GABRG2: variants seen among roughly 807,000 people sequenced by gnomAD.
The protein encoded by GABRG2 is gamma-aminobutyric acid type A receptor subunit gamma2.
A neutral mutation model predicts 56.4 loss-of-function variants in GABRG2; 16 were observed. That is an observed-to-expected ratio of 0.28 (90% CI 0.19 to 0.43). The LOEUF (loss-of-function observed/expected upper bound fraction) is 0.43, where lower values mean the gene tolerates loss of function less well. Ranked by LOEUF, GABRG2 falls within the 20% of genes least tolerant of loss-of-function variation. GABRG2 has a pLI of 1.00. For synonymous variants in GABRG2, 208 were observed against 205.5 expected (o/e 1.01, Z -0.10); for missense variants, 327 against 582.7 (o/e 0.56, Z 4.52).
At chr5:162,100,693 T>C (rs536306300) in intron 4 of GABRG2, among the ~76,000 whole-genome samples, 13 of 152,330 alleles carry the variant, frequency 8.5e-5, no homozygotes, top group Middle Eastern at 3.4e-3. Flanking sequence ...TGACATCTTC[T>C]GGAAGATCCT....
chr5:162,147,659 T>C (rs752426607), intron 7 of GABRG2, among the ~76,000 whole-genome samples: 3 of 152,158 alleles, frequency 2.0e-5, no homozygotes, highest in Non-Finnish European at 2.9e-5. Context: ...CCACCATGCC[T>C]GGCCCGACCT....
chr5:162,142,691 T>A (rs1421478248), intron 7 of GABRG2: 2 of 340,052 alleles, frequency 5.9e-6, no homozygotes, highest in African/African-American at 4.3e-5. Context: ...TAGGTGGGAA[T>A]TGAACAATGA....
intron 6 of GABRG2, among the ~76,000 whole-genome samples, chr5:162,124,532 C>T (rs892973866): frequency 5.9e-5 from 9 of 151,588 alleles, no homozygotes; most frequent in African/African-American, 2.2e-4. Flanking sequence ...AATGCACATT[C>T]AGTTTTGTTT....
At chr5:162,133,005 T>C (rs901003483) in intron 6 of GABRG2, among the ~76,000 whole-genome samples, 3 of 152,048 alleles carry the variant, frequency 2.0e-5, no homozygotes, top group Non-Finnish European at 2.9e-5. Context: ...ATGTGAGCTC[T>C]AATAATGTAT....
intron 6 of GABRG2, among the ~76,000 whole-genome samples, chr5:162,134,081 C>T (rs992403860): frequency 6.6e-6 from 1 of 152,124 alleles, no homozygotes; most frequent in Non-Finnish European, 1.5e-5. Flanking sequence ...AGTCAGCTTT[C>T]CACATTGTTT....
intron 6 of GABRG2, among the ~76,000 whole-genome samples, chr5:162,105,332 C>T (rs539404880): frequency 6.6e-6 from 1 of 151,440 alleles, no homozygotes; most frequent in African/African-American, 2.4e-5. Context: ...AAAAAAGAAT[C>T]TGAAAGAAGG....
At chr5:162,079,080 A>T (rs903703526) in intron 1 of GABRG2, among the ~76,000 whole-genome samples, 5 of 151,928 alleles carry the variant, frequency 3.3e-5, no homozygotes, top group African/African-American at 1.2e-4. Context: ...AAAATATGTG[A>T]GTACTCACAT....
intron 6 of GABRG2, among the ~76,000 whole-genome samples, chr5:162,139,772 T>C (rs1447500636): frequency 6.6e-6 from 1 of 152,208 alleles, no homozygotes; most frequent in Admixed American, 6.5e-5. Flanking sequence ...AATTTTTTAT[T>C]TAAACACATT....
At chr5:162,111,880 G>A (rs1295959769) in intron 6 of GABRG2, among the ~76,000 whole-genome samples, 1 of 152,044 alleles carries the variant, frequency 6.6e-6, no homozygotes, top group Non-Finnish European at 1.5e-5. Flanking sequence ...TAATATGGTA[G>A]CCATATATAT....
At chr5:162,149,739 G>C in intron 8 of GABRG2, 1 of 452,072 alleles carries the variant, frequency 2.2e-6, no homozygotes, top group Non-Finnish European at 4.4e-6. Context: ...TCAGCCCCCT[G>C]AGTAGCTGGG....
In GABRG2 at chr5:162,089,267, G is replaced by A. The variant is rs76014074; in HGVS notation, c.108-4561G>A. Among the ~76,000 whole-genome samples, 703 of 152,204 alleles carry A rather than the reference G, an allele frequency of 4.6e-3. 7 individuals carry two copies. The highest frequency in any genetic ancestry group is 0.016 in the African/African-American group (662 of 41,542). On this transcript the variant is annotated intron_variant, in intron 1 of 9. Coordinates refer to ENST00000639213, the MANE Select transcript of GABRG2 (RefSeq NM_198904.4). ...ATTCTCGGGTAACATGATGATGTAC[G>A]GAACAAGAAATTCCTGTATTAATGA...
intron 5 of GABRG2, 153 bp downstream of exon 5, chr5:162,101,470 C>G: frequency 1.4e-6 from 1 of 697,910 alleles, no homozygotes; most frequent in African/African-American, 1.8e-5. Context: ...TCATCTTAAT[C>G]CCAGCTTGCT....
rs1761906317 is a variant in GABRG2, at chr5:162,107,268, C to A, written c.769+3242C>A. ...TTTAAAGGAAAGTTAATATAAGGAC[C>A]ATAATTGGAAAACCAGGACATTTAA... is the stretch of plus-strand genomic sequence containing the variant. On this transcript the variant is annotated intron_variant, in intron 6 of 9. Coordinates refer to ENST00000639213, the MANE Select transcript of GABRG2 (RefSeq NM_198904.4). Among the ~76,000 whole-genome samples the A allele has an allele frequency of 1.3e-5, 2 of 151,802 alleles. 1 individual carries two copies. The highest frequency in any genetic ancestry group is 4.2e-4 in the South Asian group (2 of 4,808).
chr5:162,094,249 GA>G (rs897866072), intron 2 of GABRG2: 409 of 351,220 alleles, frequency 1.2e-3, no homozygotes, highest in East Asian at 1.8e-3. Flanking sequence ...GAAGCTGTAG[GA>G]AAAAAAAAAC....
At chr5:162,075,498 G>C (rs963598339) in intron 1 of GABRG2, among the ~76,000 whole-genome samples, 17 of 152,014 alleles carry the variant, frequency 1.1e-4, no homozygotes, top group African/African-American at 4.1e-4. Flanking sequence ...GTTATTTATT[G>C]GTTTATTCTT....
intron 8 of GABRG2, chr5:162,149,674 C>T (rs763269389): frequency 2.5e-5 from 14 of 570,074 alleles, no homozygotes; most frequent in Non-Finnish European, 3.4e-5. Context: ...AGTGCAGTGG[C>T]GGGATCTCGG....
intron 6 of GABRG2, among the ~76,000 whole-genome samples, chr5:162,133,202 TCTTCAAATCGA>T (rs1336228019): frequency 1.3e-5 from 2 of 152,106 alleles, no homozygotes; most frequent in African/African-American, 4.8e-5. Context: ...CAGAAGTTAT[TCTTCAAATCGA>T]CTGTCCTCAA....
At chr5:162,151,643 T>C in intron 8 of GABRG2, 87 bp from the exon 9 acceptor site, 1 of 1,158,934 alleles carries the variant, frequency 8.6e-7, no homozygotes, top group African/African-American at 1.6e-5. Context: ...ATTTTTAATT[T>C]ATCTTGTCTC....
At chr5:162,080,854 T>C (rs1287097179) in intron 1 of GABRG2, among the ~76,000 whole-genome samples, 1 of 152,168 alleles carries the variant, frequency 6.6e-6, no homozygotes, top group African/African-American at 2.4e-5. Flanking sequence ...ATGTCAATGA[T>C]TTAAAACATA....
Sources: allele counts gnomAD v4.1 joint callset (sites outside exome capture counted in the v4.1 genomes callset), GRCh38; gene constraint gnomAD v4.1.1; transcripts MANE v1.5; gene names NCBI Gene and HGNC (gene_info 2026-07-23, HGNC 2026-07-21).